Variants in BMPR1B observed in about 807,000 individuals in gnomAD.
BMPR1B encodes the protein bone morphogenetic protein receptor type-1B.
A neutral mutation model predicts 59.1 loss-of-function variants in BMPR1B; 12 were observed. That is an observed-to-expected ratio of 0.20 (90% CI 0.13 to 0.33). BMPR1B has a LOEUF of 0.33. Ranked by LOEUF, BMPR1B falls within the 10% of genes least tolerant of loss-of-function variation. The probability of loss-of-function intolerance (pLI) is 1.00; values close to 1 mark genes in which losing one functional copy is unlikely to be tolerated. For synonymous variants in BMPR1B, 237 were observed against 207.3 expected (o/e 1.14, Z -1.23); for missense variants, 550 against 610.9 (o/e 0.90, Z 1.05).
chr4:94,825,764 A>G (rs1021991922), intron 1 of BMPR1B, among the ~76,000 whole-genome samples: 2 of 152,226 alleles, frequency 1.3e-5, no homozygotes, highest in African/African-American at 4.8e-5. Context: ...GCTTTGCAGA[A>G]TGTGGAAAGA....
At position 94,857,349 on chromosome 4, in the gene BMPR1B, C is replaced by A. The variant is rs571460239; in HGVS notation, c.-182-18482C>A. Among the ~76,000 whole-genome samples the A allele has an allele frequency of 3.6e-4, 55 of 152,144 alleles. 1 individual carries two copies. Among genetic ancestry groups the A allele is most frequent in the Non-Finnish European group, 6.5e-4 (44 of 68,026 alleles). ...TATGTGAAATATGTAGCCGTTTAGG[C>A]AGTTTTGTACCATTTTCTGTAGAAG... On this transcript the variant is annotated intron_variant, in intron 1 of 12. Coordinates refer to ENST00000515059, the MANE Select transcript of BMPR1B (RefSeq NM_001203.3).
intron 1 of BMPR1B, among the ~76,000 whole-genome samples, chr4:94,845,311 A>G (rs1402138857): frequency 1.3e-5 from 2 of 151,936 alleles, no homozygotes; most frequent in Non-Finnish European, 2.9e-5. Flanking sequence ...GTTAGGTTAG[A>G]AAAGATGAGA....
At chr4:94,830,065 A>G (rs1279555999) in intron 1 of BMPR1B, among the ~76,000 whole-genome samples, 1 of 152,248 alleles carries the variant, frequency 6.6e-6, no homozygotes, top group Non-Finnish European at 1.5e-5. Context: ...TTTTCATGAT[A>G]GTTATCAGCT....
At chr4:94,842,913 G>GTGTATGTATGTA (rs150599315) in intron 1 of BMPR1B, among the ~76,000 whole-genome samples, 1 of 151,460 alleles carries the variant, frequency 6.6e-6, no homozygotes, top group Non-Finnish European at 1.5e-5. Flanking sequence ...TACACACTGT[G>GTGTATGTATGTA]TGTATGCATG....
intron 10 of BMPR1B, among the ~76,000 whole-genome samples, chr4:95,140,619 CT>C (rs1734162411): frequency 6.6e-6 from 1 of 152,060 alleles, no homozygotes; most frequent in African/African-American, 2.4e-5. Flanking sequence ...ATTTCCCGGT[CT>C]TTGTCTGCTT....
At chr4:94,936,628 T>C (rs58250445) in intron 2 of BMPR1B, among the ~76,000 whole-genome samples, 18,878 of 152,102 alleles carry the variant, frequency 0.12, 1,311 homozygotes, top group African/African-American at 0.18. Flanking sequence ...TTAAAATATT[T>C]ATCTTGATCT....
intron 5 of BMPR1B, 102 bp downstream of exon 5, chr4:95,114,924 T>A: frequency 8.9e-7 from 1 of 1,120,864 alleles, no homozygotes; most frequent in Non-Finnish European, 1.4e-6. Context: ...CCATTTTTAG[T>A]ATAGTCATGA....
intron 3 of BMPR1B, among the ~76,000 whole-genome samples, chr4:95,052,964 A>G (rs1219346185): frequency 6.6e-6 from 1 of 152,140 alleles, no homozygotes; most frequent in Non-Finnish European, 1.5e-5. Flanking sequence ...TCATTCCTCT[A>G]TTCTAGCTAC....
chr4:94,766,407 CT>C (rs33979041), intron 1 of BMPR1B, among the ~76,000 whole-genome samples: 39,795 of 133,086 alleles, frequency 0.3, 5,665 homozygotes, highest in Middle Eastern at 0.5. Context: ...CGGCTCCTGT[CT>C]TTTTTTTTTT....
chr4:94,920,379 G>C (rs1344687299), intron 2 of BMPR1B, among the ~76,000 whole-genome samples: 7 of 152,024 alleles, frequency 4.6e-5, no homozygotes, highest in Non-Finnish European at 1.0e-4. Flanking sequence ...TAATTATACA[G>C]CTAGTGCTCA....
At chr4:94,795,960 CT>C (rs1252576001) in intron 1 of BMPR1B, among the ~76,000 whole-genome samples, 1 of 132,148 alleles carries the variant, frequency 7.6e-6, no homozygotes, top group African/African-American at 3.2e-5. Flanking sequence ...TTTACGTAAG[CT>C]TTTTTTAACT....
intron 10 of BMPR1B, among the ~76,000 whole-genome samples, chr4:95,135,103 A>G (rs113879468): frequency 6.6e-6 from 1 of 152,162 alleles, no homozygotes; most frequent in African/African-American, 2.4e-5. Context: ...TCCCAGCCCC[A>G]TTTATTAAAT....
intron 3 of BMPR1B, among the ~76,000 whole-genome samples, chr4:95,035,576 G>T (rs1330280569): frequency 6.6e-6 from 1 of 152,086 alleles, no homozygotes; most frequent in Non-Finnish European, 1.5e-5. Context: ...CTTTGTTGAA[G>T]ATCAGTTGGC....
At chr4:94,818,790 G>A (rs577334096) in intron 1 of BMPR1B, among the ~76,000 whole-genome samples, 1 of 152,000 alleles carries the variant, frequency 6.6e-6, no homozygotes, top group Non-Finnish European at 1.5e-5. Flanking sequence ...TTTGGGGGAG[G>A]GGAGATGAAT....
chr4:94,831,722 G>A (rs1307894044), intron 1 of BMPR1B, among the ~76,000 whole-genome samples: 1 of 152,140 alleles, frequency 6.6e-6, no homozygotes, highest in Non-Finnish European at 1.5e-5. Flanking sequence ...TGTAAGGAAC[G>A]GGACCACACA....
At chr4:95,009,739 ATGG>A (rs1352053266) in intron 3 of BMPR1B, among the ~76,000 whole-genome samples, 1 of 152,116 alleles carries the variant, frequency 6.6e-6, no homozygotes, top group African/African-American at 2.4e-5. Flanking sequence ...AGTGGCTAAA[ATGG>A]TGGGCTCTGA....
chr4:95,041,826 T>G (rs1051609633), intron 3 of BMPR1B, among the ~76,000 whole-genome samples: 31 of 152,106 alleles, frequency 2.0e-4, no homozygotes, highest in African/African-American at 7.2e-4. Context: ...TGAGCATCCC[T>G]AATCCAAAAT....
chr4:95,093,058 T>G (rs2149250875), intron 3 of BMPR1B, among the ~76,000 whole-genome samples: 1 of 152,292 alleles, frequency 6.6e-6, no homozygotes, highest in East Asian at 1.9e-4. Flanking sequence ...GGAGCTGAAT[T>G]GACACATTAA....
At chr4:94,963,657 G>T (rs1221219551) in intron 2 of BMPR1B, among the ~76,000 whole-genome samples, 1 of 152,008 alleles carries the variant, frequency 6.6e-6, no homozygotes, top group Non-Finnish European at 1.5e-5. Context: ...ACTATAAATT[G>T]TGGAACTAGT....
Sources: gnomAD v4.1 joint callset for allele counts (sites outside exome capture counted in the v4.1 genomes callset) on GRCh38, gnomAD v4.1.1 for gene constraint, MANE v1.5 for transcripts, NCBI Gene and HGNC (gene_info 2026-07-23, HGNC 2026-07-21) for gene names.